The following CNTNAP2 variants were observed in gnomAD, a reference collection of about 807,000 sequenced individuals.
CNTNAP2 encodes the protein contactin-associated protein-like 2.
Under a neutral mutation model 155.2 loss-of-function variants are expected in CNTNAP2, and 98 were observed. The observed-to-expected ratio is 0.63, with a 90% CI of 0.54 to 0.75. The LOEUF (loss-of-function observed/expected upper bound fraction) is 0.75, where lower values mean the gene tolerates loss of function less well. Among genes scored for constraint, CNTNAP2 ranks in the 30% least tolerant of loss-of-function variants. The pLI, the probability that CNTNAP2 is intolerant of heterozygous loss-of-function variation, is 0.00. For missense variants in CNTNAP2, 1,727 were observed against 1,688.1 expected, an observed-to-expected ratio of 1.02 and a Z score of -0.40; for synonymous variants, 651 against 631.2, an observed-to-expected ratio of 1.03 and a Z score of -0.47.
chr7:147,245,449 C>T (rs779273163), intron 8 of CNTNAP2, among the ~76,000 whole-genome samples: 16 of 151,900 alleles, frequency 1.1e-4, no homozygotes, highest in Non-Finnish European at 1.6e-4. Context: ...TGTTTCATCC[C>T]GGGTTGGTCC....
At chr7:146,409,265 A>T (rs1229912811) in intron 1 of CNTNAP2, among the ~76,000 whole-genome samples, 1 of 152,218 alleles carries the variant, frequency 6.6e-6, no homozygotes, top group Non-Finnish European at 1.5e-5. Context: ...GGCTAATAAG[A>T]TGACACCTTT....
chr7:148,191,876 G>C (rs1234128683), intron 18 of CNTNAP2, among the ~76,000 whole-genome samples: 1 of 152,218 alleles, frequency 6.6e-6, no homozygotes, highest in Non-Finnish European at 1.5e-5. Flanking sequence ...TTTCCTTCCA[G>C]TGGTGAGATA....
chr7:147,337,997 T>G (rs578162347), intron 9 of CNTNAP2, among the ~76,000 whole-genome samples: 1 of 152,268 alleles, frequency 6.6e-6, no homozygotes, highest in Admixed American at 6.5e-5. Flanking sequence ...ATTTGTGGTT[T>G]TATATTTAGT....
At chr7:147,374,512 T>A (rs1796402169) in intron 9 of CNTNAP2, among the ~76,000 whole-genome samples, 1 of 152,132 alleles carries the variant, frequency 6.6e-6, no homozygotes, top group Admixed American at 6.6e-5. Flanking sequence ...TTTATCCATA[T>A]GGTTACATAG....
At chr7:146,591,073 A>T (rs929031573) in intron 1 of CNTNAP2, among the ~76,000 whole-genome samples, 4 of 152,126 alleles carry the variant, frequency 2.6e-5, no homozygotes, top group African/African-American at 9.7e-5. Flanking sequence ...TGAGATAGTG[A>T]TGCCTCTGCT....
At chr7:146,165,232 G>A (rs534402496) in intron 1 of CNTNAP2, among the ~76,000 whole-genome samples, 1 of 151,980 alleles carries the variant, frequency 6.6e-6, no homozygotes, top group African/African-American at 2.4e-5. Context: ...AAGTACAGAA[G>A]GCACGCTTTT....
At chr7:146,212,201 G>A (rs1010152162) in intron 1 of CNTNAP2, among the ~76,000 whole-genome samples, 1 of 152,014 alleles carries the variant, frequency 6.6e-6, no homozygotes, top group African/African-American at 2.4e-5. Context: ...AATCACTGGG[G>A]GTCAGTTTTC....
chr7:146,131,290 G>A (rs996627912), intron 1 of CNTNAP2, among the ~76,000 whole-genome samples: 3 of 152,102 alleles, frequency 2.0e-5, no homozygotes, highest in Non-Finnish European at 4.4e-5. Context: ...CATTGAGATA[G>A]CGACTGAGGT....
intron 1 of CNTNAP2, among the ~76,000 whole-genome samples, chr7:146,544,127 T>C (rs1021659714): frequency 2.6e-5 from 4 of 152,010 alleles, no homozygotes; most frequent in Admixed American, 1.3e-4. Context: ...AGTGATAATT[T>C]AGTACCCTGA....
chr7:147,745,897 G>T (rs898307499), intron 13 of CNTNAP2, among the ~76,000 whole-genome samples: 2 of 152,084 alleles, frequency 1.3e-5, no homozygotes, highest in African/African-American at 2.4e-5. Context: ...CCAAGTACAG[G>T]AATCTTTAAA....
chr7:147,823,972 G>C (rs1453583169), intron 13 of CNTNAP2, among the ~76,000 whole-genome samples: 1 of 152,114 alleles, frequency 6.6e-6, no homozygotes, highest in Non-Finnish European at 1.5e-5. Flanking sequence ...CATGACTAAG[G>C]TTTGTGTTGT....
Position 146,374,679 on chromosome 7 carries a change from C to T in CNTNAP2, c.97+257706C>T, listed in dbSNP as rs144459077. 9.6e-3 allele frequency among the ~76,000 whole-genome samples: 1,469 copies of T among 152,246 alleles called. 23 individuals carry two copies. The highest frequency in any genetic ancestry group is 0.033 in the African/African-American group (1,352 of 41,538). On this transcript the variant is annotated intron_variant, in intron 1 of 23. Coordinates refer to ENST00000361727, the MANE Select transcript of CNTNAP2 (RefSeq NM_014141.6). Reference sequence around the variant, plus strand: ...GATATGGGAAATTAAATATTGTGTTCTAGCTTTTTCTAAAGCCTATAAAGA... The same window carrying T: ...GATATGGGAAATTAAATATTGTGTTTTAGCTTTTTCTAAAGCCTATAAAGA...
At position 147,562,235 on chromosome 7, in the gene CNTNAP2, GA is replaced by G; in HGVS notation, c.1878del (p.Val627PhefsTer5). On this transcript the variant is annotated frameshift_variant, in exon 12 of 24. Transcript: ENST00000361727. LOFTEE classifies it high-confidence loss of function. Reference protein sequence around the residue: ...PDGSGPLGPLKVYCNMTEDKV... With the variant: ...PDGSGPLGPLXVYCNMTEDKV... ...ATGGCAGCGGACCTCTGGGGCCTCT[GA>G]AAGTTTACTGCAACATGACAGGTAA... The G allele has an allele frequency of 6.2e-7, 1 of 1,613,996 alleles. No individual in the cohort carries two copies. Among genetic ancestry groups the G allele is most frequent in the South Asian group, 1.1e-5 (1 of 91,076 alleles).
chr7:147,844,663 G>C (rs1377375051), intron 13 of CNTNAP2, among the ~76,000 whole-genome samples: 16 of 60,484 alleles, frequency 2.6e-4, no homozygotes, highest in African/African-American at 9.8e-4. Flanking sequence ...GGGCATCCCT[G>C]TCTTGTGCCA....
chr7:147,118,217 G>C (rs1801027541), intron 5 of CNTNAP2, among the ~76,000 whole-genome samples: 1 of 152,062 alleles, frequency 6.6e-6, no homozygotes, highest in African/African-American at 2.4e-5. Context: ...CTGCAAGTCA[G>C]AAAATACTTT....
At chr7:146,198,915 C>A (rs954633037) in intron 1 of CNTNAP2, among the ~76,000 whole-genome samples, 4 of 152,058 alleles carry the variant, frequency 2.6e-5, no homozygotes, top group African/African-American at 7.2e-5. Context: ...ACCATCTATT[C>A]TTTCAAGAAT....
chr7:146,317,942 C>A (rs527591592), intron 1 of CNTNAP2, among the ~76,000 whole-genome samples: 75 of 152,240 alleles, frequency 4.9e-4, no homozygotes, highest in African/African-American at 1.8e-3. Flanking sequence ...GAGATCGAGA[C>A]AATCCTGGCT....
At chr7:147,852,389 T>C (rs937663708) in intron 13 of CNTNAP2, among the ~76,000 whole-genome samples, 7 of 152,182 alleles carry the variant, frequency 4.6e-5, no homozygotes, top group African/African-American at 1.7e-4. Context: ...AAGTTCTGAT[T>C]CCTTGATCTA....
At chr7:147,546,241 C>G (rs1220300951) in intron 11 of CNTNAP2, among the ~76,000 whole-genome samples, 1 of 152,048 alleles carries the variant, frequency 6.6e-6, no homozygotes, top group African/African-American at 2.4e-5. Context: ...TTAAAGAACA[C>G]TACTGTAAAA....
Sources: allele counts gnomAD v4.1 joint callset (sites outside exome capture counted in the v4.1 genomes callset), GRCh38; gene constraint gnomAD v4.1.1; transcripts MANE v1.5; gene names NCBI Gene and HGNC (gene_info 2026-07-23, HGNC 2026-07-21).